Variants in KLHL29 observed in about 807,000 individuals in gnomAD.
The protein encoded by KLHL29 is kelch like family member 29, also known as kelch-like protein 29.
In KLHL29, 21 loss-of-function variants were observed where a neutral mutation model predicts 80.4. The observed-to-expected ratio is 0.26, with a 90% CI of 0.19 to 0.38. The LOEUF (loss-of-function observed/expected upper bound fraction) is 0.38, where lower values mean the gene tolerates loss of function less well. KLHL29 is among the 10% of genes least tolerant of loss of function. The probability of loss-of-function intolerance (pLI) is 1.00; values close to 1 mark genes in which losing one functional copy is unlikely to be tolerated. For missense variants in KLHL29, 867 were observed against 1,223.9 expected (o/e 0.71, Z 4.35); for synonymous variants, 511 against 526.8 (o/e 0.97, Z 0.41).
At chr2:23,395,057 AGCCTTCCTTGGTCCTG>A (rs1362433743) in intron 1 of KLHL29, among the ~76,000 whole-genome samples, 1 of 152,198 alleles carries the variant, frequency 6.6e-6, no homozygotes, top group Non-Finnish European at 1.5e-5. Context: ...TTTGTCTTTT[AGCCTTCCTTGGTCCTG>A]GCACAGGCTG....
intron 3 of KLHL29, among the ~76,000 whole-genome samples, chr2:23,587,096 C>G (rs548900427): frequency 6.6e-6 from 1 of 152,272 alleles, no homozygotes; most frequent in Admixed American, 6.5e-5. Flanking sequence ...CATGTCGCTC[C>G]TTTTAATTAG....
At chr2:23,430,980 T>A (rs1316714771) in intron 1 of KLHL29, among the ~76,000 whole-genome samples, 2 of 152,202 alleles carry the variant, frequency 1.3e-5, no homozygotes, top group Non-Finnish European at 2.9e-5. Context: ...TTCCCAGATA[T>A]CCCTACACTG....
intron 3 of KLHL29, among the ~76,000 whole-genome samples, chr2:23,590,134 C>G (rs967502824): frequency 3.3e-5 from 5 of 152,254 alleles, no homozygotes; most frequent in Admixed American, 6.5e-5. Context: ...CACACAGCAT[C>G]TATGGAAGAG....
intron 2 of KLHL29, among the ~76,000 whole-genome samples, chr2:23,488,268 A>G (rs1572352159): frequency 6.6e-6 from 1 of 152,330 alleles, no homozygotes; most frequent in South Asian, 2.1e-4. Flanking sequence ...TCCACCTGCT[A>G]TTCAGCATGG....
At chr2:23,540,011 C>G (rs1666786945) in intron 2 of KLHL29, among the ~76,000 whole-genome samples, 1 of 152,182 alleles carries the variant, frequency 6.6e-6, no homozygotes, top group African/African-American at 2.4e-5. Flanking sequence ...CCCACCAGCC[C>G]TGTGAGTTGA....
At chr2:23,389,967 C>T (rs774417575) in intron 1 of KLHL29, among the ~76,000 whole-genome samples, 84 of 152,292 alleles carry the variant, frequency 5.5e-4, no homozygotes, top group Non-Finnish European at 9.1e-4. Flanking sequence ...TTTTGGTTAA[C>T]AAGGAAAGAT....
At chr2:23,499,202 A>G (rs185673222) in intron 2 of KLHL29, among the ~76,000 whole-genome samples, 59 of 152,030 alleles carry the variant, frequency 3.9e-4, no homozygotes, top group Admixed American at 3.8e-3. Flanking sequence ...CTCAGTTTCC[A>G]TTTGATTTCT....
At chr2:23,663,811 C>A (rs1334567319) in intron 5 of KLHL29, among the ~76,000 whole-genome samples, 3 of 152,138 alleles carry the variant, frequency 2.0e-5, no homozygotes, top group Non-Finnish European at 4.4e-5. Flanking sequence ...TGCTGGTTGC[C>A]CTAAACTGCT....
intron 2 of KLHL29, among the ~76,000 whole-genome samples, chr2:23,508,118 G>T (rs948483341): frequency 6.6e-6 from 1 of 152,212 alleles, no homozygotes; most frequent in Non-Finnish European, 1.5e-5. Context: ...AGGACAGGAA[G>T]GAAGTGGCCA....
intron 1 of KLHL29, among the ~76,000 whole-genome samples, chr2:23,469,072 C>T (rs970387004): frequency 1.1e-4 from 17 of 152,224 alleles, no homozygotes; most frequent in African/African-American, 4.1e-4. Context: ...TTGCTTTACT[C>T]CACAAGACTC....
intron 3 of KLHL29, among the ~76,000 whole-genome samples, chr2:23,583,237 A>G (rs1668030024): frequency 1.3e-5 from 2 of 152,156 alleles, no homozygotes; most frequent in South Asian, 4.1e-4. Flanking sequence ...GCAGCCCCAG[A>G]AAAATGATAC....
intron 7 of KLHL29, among the ~76,000 whole-genome samples, chr2:23,692,607 C>T (rs186351832): frequency 3.3e-5 from 5 of 152,266 alleles, no homozygotes; most frequent in Admixed American, 6.5e-5. Flanking sequence ...GTGAGGCTCG[C>T]GCACAGATGG....
At chr2:23,475,127 C>T (rs1240675932) in intron 1 of KLHL29, among the ~76,000 whole-genome samples, 1 of 151,960 alleles carries the variant, frequency 6.6e-6, no homozygotes, top group Admixed American at 6.5e-5. Flanking sequence ...GTGTCCTTTT[C>T]AGTATTAGAT....
chr2:23,442,348 C>T (rs12615000), intron 1 of KLHL29, among the ~76,000 whole-genome samples: 45,002 of 151,976 alleles, frequency 0.3, 6,840 homozygotes, highest in South Asian at 0.4. Flanking sequence ...CCATCTCTGC[C>T]TCCCAAAGTG....
chr2:23,511,825 G>A (rs962651850), intron 2 of KLHL29, among the ~76,000 whole-genome samples: 17 of 152,162 alleles, frequency 1.1e-4, no homozygotes, highest in Non-Finnish European at 5.9e-5. Flanking sequence ...GGAGGTGTGT[G>A]GCTGGTGGGG....
chr2:23,598,095 AAAT>A, intron 3 of KLHL29, among the ~76,000 whole-genome samples: 1 of 152,346 alleles, frequency 6.6e-6, no homozygotes, highest in Admixed American at 6.5e-5. Flanking sequence ...TCCTGGGTAC[AAAT>A]AATAACCAGC....
chr2:23,588,922 C>T (rs1272510361), intron 3 of KLHL29, among the ~76,000 whole-genome samples: 1 of 152,210 alleles, frequency 6.6e-6, no homozygotes, highest in Non-Finnish European at 1.5e-5. Context: ...ACCAGCCGTA[C>T]CCAAAGATTG....
chr2:23,632,326 AG>A (rs1243405844), intron 3 of KLHL29, among the ~76,000 whole-genome samples: 2 of 152,260 alleles, frequency 1.3e-5, no homozygotes, highest in Non-Finnish European at 2.9e-5. Flanking sequence ...CTTTCAAGTA[AG>A]AACTGCCTTC....
intron 1 of KLHL29, among the ~76,000 whole-genome samples, chr2:23,391,551 TCAGCCTCCTGAGTAGCTGGGATTA>T (rs1666323000): frequency 6.6e-6 from 1 of 152,180 alleles, no homozygotes; most frequent in Middle Eastern, 3.2e-3. Flanking sequence ...TTATCCTGCC[TCAGCCTCCTGAGTAGCTGGGATTA>T]CAGGCACGTG....
Sources: allele counts gnomAD v4.1 joint callset (sites outside exome capture counted in the v4.1 genomes callset), GRCh38; gene constraint gnomAD v4.1.1; transcripts MANE v1.5; gene names NCBI Gene and HGNC (gene_info 2026-07-23, HGNC 2026-07-21).